PIP4K2B: variants seen among roughly 807,000 people sequenced by gnomAD.
PIP4K2B encodes phosphatidylinositol 5-phosphate 4-kinase type-2 beta.
Under a neutral mutation model 42.0 loss-of-function variants are expected in PIP4K2B, and 3 were observed. The ratio of observed to expected loss-of-function variants is 0.07; its 90% CI spans 0.03 to 0.18. PIP4K2B has a LOEUF of 0.18. PIP4K2B is among the 10% of genes least tolerant of loss of function. PIP4K2B has a pLI of 1.00. For synonymous variants in PIP4K2B, 204 were observed against 210.1 expected (o/e 0.97, Z 0.25); for missense variants, 332 against 562.3 (o/e 0.59, Z 4.14).
chr17:38,769,477 G>A lies in PIP4K2B; in HGVS notation c.*214C>T, dbSNP rs965850259. ...AAATCAAGGGTAAGCAGAAGGTGGG[G>A]TTACATCCTGTGAGCAGGTGCACAC... On this transcript the variant is annotated 3_prime_UTR_variant, in exon 10 of 10. Transcript: ENST00000619039. 5.3e-6 allele frequency: 3 copies of A among 561,176 alleles called. No individual in the cohort carries two copies. The highest frequency in any genetic ancestry group is 9.6e-6 in the Non-Finnish European group (3 of 313,484). The allele number at this position is 561,176 out of a possible 1,614,324, so 34.8% of individuals were successfully genotyped here.
Position 38,769,327 on chromosome 17 carries a change from A to C in PIP4K2B, c.*364T>G. On this transcript the variant is annotated 3_prime_UTR_variant, in exon 10 of 10. Coordinates refer to ENST00000619039, the MANE Select transcript of PIP4K2B (RefSeq NM_003559.5). ...GATTATAAATAGCAAACCTGGAGCA[A>C]TGAAATTTCAGAAACAAAACCCAAA... 4 of 222,778 alleles carry C rather than the reference A, an allele frequency of 1.8e-5. No homozygotes were observed. The highest frequency in any genetic ancestry group is 2.7e-5 in the Non-Finnish European group (3 of 112,732). The allele number at this position is 222,778 out of a possible 1,614,324, so 13.8% of individuals were successfully genotyped here.
At position 38,799,449 on chromosome 17, in the gene PIP4K2B, G is replaced by T. The variant is rs758159273; in HGVS notation, c.-25C>A. The T allele has an allele frequency of 6.5e-7, 1 of 1,549,286 alleles. No homozygotes were observed. Among genetic ancestry groups the T allele is most frequent in the Non-Finnish European group, 8.7e-7 (1 of 1,155,956 alleles). ...TGCCCGGGGCGGCGGCGGCGGCGGC[G>T]AAAGAGGGGGGCGGCGGAGACAGCG... On this transcript the variant is annotated 5_prime_UTR_variant, in exon 1 of 10. Transcript: ENST00000619039. This position sits in a 1 kb window ranked among gnomAD's most constrained non-coding sequence, Gnocchi z 4.4.
intron 1 of PIP4K2B, among the ~76,000 whole-genome samples, chr17:38,790,875 C>G (rs1398333253): frequency 6.6e-6 from 1 of 152,034 alleles, no homozygotes; most frequent in Non-Finnish European, 1.5e-5. Context: ...GGGATTAGCC[C>G]TATTATTATT....
At position 38,770,536 on chromosome 17, in the gene PIP4K2B, G is replaced by A; in HGVS notation, c.1070C>T (p.Ser357Phe). The A allele has an allele frequency of 1.3e-6, 2 of 1,561,810 alleles. No individual in the cohort carries two copies. Among genetic ancestry groups the A allele is most frequent in the Non-Finnish European group, 1.8e-6 (2 of 1,133,528 alleles). ...CATGAAATACACCTCCTTCTTGGGGGAACCTGGAGGGACAAGGAGAGCAGG... is the reference window on the plus strand; with the variant it reads ...CATGAAATACACCTCCTTCTTGGGGAAACCTGGAGGGACAAGGAGAGCAGG... ...DVYAMKSHES[S>F]PKKEVYFMAI... is the part of the protein sequence containing the mutation. Residue 357 changes from serine (S) to phenylalanine (F), a missense_variant, in exon 9 of 10, where the codon TCC (serine) becomes TTC (phenylalanine). This residue lies in a region of PIP4K2B where 63 missense variants were observed against 71.6 expected (regional missense o/e 0.88). Coordinates refer to ENST00000619039, the MANE Select transcript of PIP4K2B (RefSeq NM_003559.5).
At chr17:38,779,096 A>T (rs149942746) in intron 5 of PIP4K2B, among the ~76,000 whole-genome samples, 1 of 152,232 alleles carries the variant, frequency 6.6e-6, no homozygotes, top group Admixed American at 6.5e-5. Context: ...GATGGATGCT[A>T]AAGTGCATGC....
chr17:38,786,761 A>C, intron 2 of PIP4K2B, 62 bp downstream of exon 2: 1 of 1,047,378 alleles, frequency 9.5e-7, no homozygotes, highest in Admixed American at 1.7e-5. Context: ...AGGCTTCAGA[A>C]GCCTCTGACT....
intron 5 of PIP4K2B, 91 bp from the exon 6 acceptor site, chr17:38,778,463 A>G: frequency 8.5e-7 from 1 of 1,172,072 alleles, no homozygotes; most frequent in Non-Finnish European, 1.3e-6. Flanking sequence ...GAACTCAAGT[A>G]GGCTTGTTAG....
At position 38,769,439 on chromosome 17, in the gene PIP4K2B, A is replaced by C; in HGVS notation, c.*252T>G. On this transcript the variant is annotated 3_prime_UTR_variant, in exon 10 of 10. Transcript: ENST00000619039. Reference sequence around the variant, plus strand: ...GGAACCCCTTTTTAACCTGGGTGTCAAATGGGGAGAAAAAATCAAGGGTAA... The same window carrying C: ...GGAACCCCTTTTTAACCTGGGTGTCCAATGGGGAGAAAAAATCAAGGGTAA... The C allele has an allele frequency of 2.0e-6, 1 of 501,706 alleles. No individual in the cohort carries two copies. The allele number at this position is 501,706 out of a possible 1,614,324, so 31.1% of individuals were successfully genotyped here.
chr17:38,785,633 C>A (rs945860319), intron 2 of PIP4K2B, among the ~76,000 whole-genome samples: 2 of 152,156 alleles, frequency 1.3e-5, no homozygotes, highest in East Asian at 3.8e-4. Flanking sequence ...GAGCCAAGAT[C>A]GTGCCACTGC....
chr17:38,778,265 A>G, intron 6 of PIP4K2B, 69 bp downstream of exon 6: 1 of 1,440,692 alleles, frequency 6.9e-7, no homozygotes, highest in South Asian at 1.1e-5. Context: ...TGGGCGAGGG[A>G]CAGGATGGCC....
chr17:38,798,731 G>GA (rs935425049), intron 1 of PIP4K2B, among the ~76,000 whole-genome samples: 52 of 151,748 alleles, frequency 3.4e-4, no homozygotes, highest in Non-Finnish European at 5.2e-4. Flanking sequence ...GTTCAAGAGG[G>GA]AAAAAAAAGG....
At position 38,770,424 on chromosome 17, in the gene PIP4K2B, G is replaced by A. The variant is rs769605576; in HGVS notation, c.1170+12C>T. ...CCCAGCTGGGCCCTGGATGAAGATG[G>A]AGAGGACTCACCCCGTGTTTCACCG... On this transcript the variant is annotated intron_variant, in intron 9 of 9. Transcript: ENST00000619039. The A allele has an allele frequency of 4.5e-6, 7 of 1,559,112 alleles. No individual in the cohort carries two copies. In the South Asian group the frequency reaches 7.8e-5, roughly 17 times the overall value.
Position 38,770,587 on chromosome 17 carries a change from G to C in PIP4K2B, c.1067-48C>G, listed in dbSNP as rs778705145. 1.7e-5 allele frequency: 18 copies of C among 1,042,194 alleles called. No homozygotes were observed. The East Asian group carries it at 4.3e-4, about 25-fold the overall frequency. The allele number at this position is 1,042,194 out of a possible 1,614,324, so 64.6% of individuals were successfully genotyped here. ...GAAGAAGGAAGAGGGGGCAGGAGAA[G>C]GGCAGACAGCAGCTGGGCACTGCTA... is the stretch of plus-strand genomic sequence containing the variant. On this transcript the variant is annotated intron_variant, in intron 8 of 9. Coordinates refer to ENST00000619039, the MANE Select transcript of PIP4K2B (RefSeq NM_003559.5).
chr17:38,790,604 G>A (rs1199634762), intron 1 of PIP4K2B, among the ~76,000 whole-genome samples: 1 of 152,118 alleles, frequency 6.6e-6, no homozygotes, highest in Non-Finnish European at 1.5e-5. Flanking sequence ...GATTACAGGC[G>A]CATGTCACCA....
At chr17:38,775,635 A>G (rs1037572441) in intron 7 of PIP4K2B, among the ~76,000 whole-genome samples, 1 of 152,108 alleles carries the variant, frequency 6.6e-6, no homozygotes, top group African/African-American at 2.4e-5. Context: ...AGGCAGGCAG[A>G]TCACGAGGTC....
chr17:38,783,952 T>C (rs1909852547), intron 3 of PIP4K2B, among the ~76,000 whole-genome samples: 2 of 152,190 alleles, frequency 1.3e-5, no homozygotes, highest in Non-Finnish European at 2.9e-5. Flanking sequence ...CAGCCTAGAC[T>C]GGGAATGTCA....
chr17:38,794,195 G>C (rs1024384168), intron 1 of PIP4K2B, among the ~76,000 whole-genome samples: 8 of 152,092 alleles, frequency 5.3e-5, no homozygotes, highest in Non-Finnish European at 1.0e-4. Context: ...GATGAACCTT[G>C]AGCACCTTAC....
chr17:38,797,638 C>T (rs1056541333), intron 1 of PIP4K2B, among the ~76,000 whole-genome samples: 2 of 152,230 alleles, frequency 1.3e-5, no homozygotes, highest in Non-Finnish European at 2.9e-5. Flanking sequence ...ATACTCCTGA[C>T]TCTCAGGCCT....
At chr17:38,780,952 C>T (rs1465585447) in intron 3 of PIP4K2B, among the ~76,000 whole-genome samples, 1 of 152,152 alleles carries the variant, frequency 6.6e-6, no homozygotes, top group African/African-American at 2.4e-5. Flanking sequence ...CTCACACGCA[C>T]TATGACCTTG....
Sources: allele counts gnomAD v4.1 joint callset (sites outside exome capture counted in the v4.1 genomes callset), GRCh38; gene constraint gnomAD v4.1.1; regional missense constraint gnomAD v4.1.1; non-coding constraint Gnocchi (gnomAD v3.1); transcripts MANE v1.5; gene names NCBI Gene and HGNC (gene_info 2026-07-23, HGNC 2026-07-21).